MAGI2: variants seen among roughly 807,000 people sequenced by gnomAD.
MAGI2 encodes membrane associated guanylate kinase, WW and PDZ domain containing 2.
In MAGI2, 35 loss-of-function variants were observed where a neutral mutation model predicts 133.3. The ratio of observed to expected loss-of-function variants is 0.26; its 90% CI spans 0.20 to 0.35. MAGI2 has a LOEUF of 0.35. Among genes scored for constraint, MAGI2 ranks in the 10% least tolerant of loss-of-function variants. MAGI2 has a pLI of 1.00. For synonymous variants in MAGI2, 729 were observed against 710.6 expected, an observed-to-expected ratio of 1.03 and a Z score of -0.41; for missense variants, 1,636 against 1,863.4, an observed-to-expected ratio of 0.88 and a Z score of 2.25.
chr7:79,287,459 G>A (rs527999986), intron 1 of MAGI2, among the ~76,000 whole-genome samples: 1 of 152,234 alleles, frequency 6.6e-6, no homozygotes, highest in African/African-American at 2.4e-5. Context: ...GGGAGAGGGA[G>A]ATTAAGAAAA....
intron 1 of MAGI2, among the ~76,000 whole-genome samples, chr7:79,441,446 G>C (rs1288558335): frequency 6.6e-6 from 1 of 152,072 alleles, no homozygotes; most frequent in Non-Finnish European, 1.5e-5. Context: ...GGAGATTTGG[G>C]ATAAGAATAT....
chr7:78,951,980 T>C (rs1801911859), intron 2 of MAGI2, among the ~76,000 whole-genome samples: 1 of 152,168 alleles, frequency 6.6e-6, no homozygotes. Context: ...TCAAAGTATC[T>C]TTTGAATTGT....
intron 2 of MAGI2, among the ~76,000 whole-genome samples, chr7:78,637,534 A>G (rs1809807808): frequency 6.6e-6 from 1 of 151,976 alleles, no homozygotes; most frequent in East Asian, 1.9e-4. Flanking sequence ...GATCTCCAAA[A>G]AGTAAGAAAT....
intron 1 of MAGI2, among the ~76,000 whole-genome samples, chr7:79,306,229 T>A (rs1409254919): frequency 6.8e-6 from 1 of 146,840 alleles, no homozygotes; most frequent in Non-Finnish European, 1.5e-5. Context: ...ATATATATTT[T>A]ATTTATATGT....
chr7:79,299,594 C>T (rs1837226943), intron 1 of MAGI2, among the ~76,000 whole-genome samples: 1 of 139,762 alleles, frequency 7.2e-6, no homozygotes, highest in Non-Finnish European at 1.6e-5. Context: ...TTGTCCAAGG[C>T]ATTCCTTTCT....
intron 9 of MAGI2, among the ~76,000 whole-genome samples, chr7:78,261,830 C>A (rs570739575): frequency 1.4e-4 from 21 of 152,220 alleles, no homozygotes; most frequent in African/African-American, 4.8e-4. Context: ...AATCATAATA[C>A]ATAATTTTAT....
At chr7:78,385,393 A>G (rs1431393331) in intron 6 of MAGI2, among the ~76,000 whole-genome samples, 1 of 152,156 alleles carries the variant, frequency 6.6e-6, no homozygotes, top group East Asian at 1.9e-4. Flanking sequence ...ATTACTTATC[A>G]CAGACAGTGT....
chr7:78,064,192 C>A (rs1813575309), intron 21 of MAGI2, among the ~76,000 whole-genome samples: 2 of 152,322 alleles, frequency 1.3e-5, no homozygotes, highest in South Asian at 4.1e-4. Context: ...CACATTGCAA[C>A]TTTCTCCTTT....
At chr7:79,134,521 T>C (rs1011977142) in intron 1 of MAGI2, among the ~76,000 whole-genome samples, 6 of 152,132 alleles carry the variant, frequency 3.9e-5, no homozygotes, top group African/African-American at 1.4e-4. Context: ...TAGTCCATCA[T>C]CTCAACTGGA....
intron 3 of MAGI2, among the ~76,000 whole-genome samples, chr7:78,549,735 C>A (rs1799174139): frequency 6.6e-6 from 1 of 152,158 alleles, no homozygotes; most frequent in South Asian, 2.1e-4. Context: ...TATATATTTC[C>A]TATGACCTAT....
chr7:79,166,283 C>T (rs1407296451), intron 1 of MAGI2, among the ~76,000 whole-genome samples: 3 of 151,886 alleles, frequency 2.0e-5, no homozygotes, highest in African/African-American at 4.8e-5. Context: ...TGTATGAGAC[C>T]GACTTGACCC....
chr7:78,483,922 G>A (rs921601730), intron 6 of MAGI2, among the ~76,000 whole-genome samples: 2 of 151,904 alleles, frequency 1.3e-5, no homozygotes, highest in African/African-American at 4.8e-5. Flanking sequence ...GTTCTTCCTT[G>A]AGGAAAGATT....
intron 1 of MAGI2, among the ~76,000 whole-genome samples, chr7:79,292,387 C>A (rs992479923): frequency 1.3e-5 from 2 of 151,698 alleles, no homozygotes; most frequent in Non-Finnish European, 2.9e-5. Context: ...TTTGGGAGGC[C>A]AAGGCAGGCA....
chr7:78,602,358 C>G (rs1805296302), intron 3 of MAGI2, among the ~76,000 whole-genome samples: 1 of 152,124 alleles, frequency 6.6e-6, no homozygotes, highest in Non-Finnish European at 1.5e-5. Flanking sequence ...CGGGGTTTCA[C>G]CACGTTGGCC....
chr7:79,443,592 AC>A (rs1312678762), intron 1 of MAGI2, among the ~76,000 whole-genome samples: 1 of 152,084 alleles, frequency 6.6e-6, no homozygotes, highest in East Asian at 1.9e-4. Flanking sequence ...AACACAAAAT[AC>A]TCATATAAGC....
In MAGI2 at chr7:78,471,204, T is replaced by G. The variant is rs1791171425; in HGVS notation, c.1045+18557A>C. 3.9e-5 allele frequency among the ~76,000 whole-genome samples: 6 copies of G among 152,134 alleles called. No individual in the cohort carries two copies. The South Asian group carries it at 1.2e-3, about 31-fold the overall frequency. On this transcript the variant is annotated intron_variant, in intron 6 of 21. Coordinates refer to ENST00000354212, the MANE Select transcript of MAGI2 (RefSeq NM_012301.4). ...CTGTTGATCTTTTATAAGAGGAAAT[T>G]TATCATGCTGTTTCAGTACTACTAT...
rs577743191 is a variant in MAGI2, at chr7:78,429,728, A to G, written c.1045+60033T>C. Reference sequence around the variant, plus strand: ...ATACCTAATAATACTTAATAATAATATAAAGAAAATATAATTTTATTTAGA... The same window carrying G: ...ATACCTAATAATACTTAATAATAATGTAAAGAAAATATAATTTTATTTAGA... On this transcript the variant is annotated intron_variant, in intron 6 of 21. Transcript: ENST00000354212. 8.0e-4 allele frequency among the ~76,000 whole-genome samples: 121 copies of G among 152,018 alleles called. 1 individual carries two copies. The South Asian group carries it at 0.023, about 29-fold the overall frequency.
intron 1 of MAGI2, among the ~76,000 whole-genome samples, chr7:79,385,675 A>T (rs151121308): frequency 5.4e-4 from 82 of 152,030 alleles, no homozygotes; most frequent in Admixed American, 1.4e-3. Flanking sequence ...AAGAGTGGTT[A>T]TCACAGGTGG....
chr7:79,439,374 G>T (rs915367620), intron 1 of MAGI2, among the ~76,000 whole-genome samples: 4 of 152,106 alleles, frequency 2.6e-5, no homozygotes, highest in African/African-American at 9.7e-5. Flanking sequence ...CTCAGAAAAT[G>T]TTAGTCCCAT....
Sources: gnomAD v4.1 joint callset for allele counts (sites outside exome capture counted in the v4.1 genomes callset) on GRCh38, gnomAD v4.1.1 for gene constraint, MANE v1.5 for transcripts, NCBI Gene and HGNC (gene_info 2026-07-23, HGNC 2026-07-21) for gene names.